Variants in TBC1D5 observed in about 807,000 individuals in gnomAD.
TBC1D5 encodes TBC1 domain family, member 5.
TBC1D5 carries 75 observed loss-of-function variants against 100.3 expected under a neutral mutation model. The ratio of observed to expected loss-of-function variants is 0.75; its 90% CI spans 0.62 to 0.91. The LOEUF is 0.91. Among genes scored for constraint, TBC1D5 ranks in the 40% least tolerant of loss-of-function variants. The probability of loss-of-function intolerance (pLI) is 0.00; values close to 1 mark genes in which losing one functional copy is unlikely to be tolerated. For missense variants in TBC1D5, 910 were observed against 942.4 expected, an observed-to-expected ratio of 0.97 and a Z score of 0.45; for synonymous variants, 323 against 325.6, an observed-to-expected ratio of 0.99 and a Z score of 0.09.
chr3:17,373,985 A>G (rs967302815), intron 12 of TBC1D5, among the ~76,000 whole-genome samples: 4 of 152,186 alleles, frequency 2.6e-5, no homozygotes, highest in African/African-American at 7.2e-5. Flanking sequence ...AAAGTTTAAT[A>G]GGTACAAGTT....
intron 7 of TBC1D5, 94 bp from the exon 8 acceptor site, chr3:17,403,342 C>A (rs889050653): frequency 1.2e-6 from 1 of 818,916 alleles, no homozygotes; most frequent in African/African-American, 1.8e-5. Context: ...AAAATTTATT[C>A]TTCTCTGAGA....
At chr3:17,356,434 A>T (rs116565282) in intron 13 of TBC1D5, among the ~76,000 whole-genome samples, 9 of 152,252 alleles carry the variant, frequency 5.9e-5, no homozygotes, top group African/African-American at 2.2e-4. Flanking sequence ...ATACTTTCTA[A>T]ATACCCAAGT....
intron 13 of TBC1D5, among the ~76,000 whole-genome samples, chr3:17,323,716 A>C (rs1347638173): frequency 6.6e-6 from 1 of 152,198 alleles, no homozygotes; most frequent in Non-Finnish European, 1.5e-5. Flanking sequence ...ATGTTTATTG[A>C]CTAGAATAAT....
chr3:17,236,673 AC>A (rs1215879728), intron 17 of TBC1D5, among the ~76,000 whole-genome samples: 1 of 152,056 alleles, frequency 6.6e-6, no homozygotes, highest in African/African-American at 2.4e-5. Context: ...TTTAGTAGAC[AC>A]GGGGTTTCAC....
chr3:17,585,482 A>G (rs1357803060), intron 2 of TBC1D5, among the ~76,000 whole-genome samples: 1 of 152,214 alleles, frequency 6.6e-6, no homozygotes, highest in Non-Finnish European at 1.5e-5. Context: ...TCTTACTACA[A>G]AAGAACCCAG....
chr3:17,312,962 C>A (rs748204540), intron 13 of TBC1D5, among the ~76,000 whole-genome samples: 46 of 152,156 alleles, frequency 3.0e-4, no homozygotes, highest in Admixed American at 2.6e-4. Flanking sequence ...ACACATACCT[C>A]TTTCAGATGT....
At chr3:17,640,273 A>G (rs2064368812) in intron 1 of TBC1D5, among the ~76,000 whole-genome samples, 1 of 152,208 alleles carries the variant, frequency 6.6e-6, no homozygotes, top group Non-Finnish European at 1.5e-5. Context: ...TTTAAAAAAA[A>G]TCAACTTAAG....
At position 17,664,260 on chromosome 3, in the gene TBC1D5, CG is replaced by C. The variant is rs551398827; in HGVS notation, c.-100-40348del. 4.6e-3 allele frequency among the ~76,000 whole-genome samples: 705 copies of C among 152,148 alleles called. 6 individuals carry two copies. Among genetic ancestry groups the C allele is most frequent in the Non-Finnish European group, 7.1e-3 (484 of 67,996 alleles). ...AATCTTTTTGTATTTTTAATAGAGACGGGGTTTCATCATATTGGCCAGGATG... is the reference window on the plus strand; with the variant it reads ...AATCTTTTTGTATTTTTAATAGAGACGGGTTTCATCATATTGGCCAGGATG... On this transcript the variant is annotated intron_variant, in intron 1 of 21. Transcript: ENST00000253692.
chr3:17,690,959 A>G lies in TBC1D5; in HGVS notation c.-101+48384T>C, dbSNP rs145793097. Among the ~76,000 whole-genome samples the G allele has an allele frequency of 6.6e-3, 1,000 of 152,352 alleles. 10 individuals are homozygous for G. The highest frequency in any genetic ancestry group is 7.7e-3 in the Non-Finnish European group (523 of 68,036). Reference sequence around the variant, plus strand: ...AATCTAACTTTAAAACAGAGGAAAAAAAATCTGTTTAAGGGTTTAGTTAGC... The same window carrying G: ...AATCTAACTTTAAAACAGAGGAAAAGAAATCTGTTTAAGGGTTTAGTTAGC... On this transcript the variant is annotated intron_variant, in intron 1 of 21. Coordinates refer to ENST00000253692, the Ensembl canonical transcript of TBC1D5.
chr3:17,621,006 A>C (rs564169150), intron 2 of TBC1D5, among the ~76,000 whole-genome samples: 1 of 152,196 alleles, frequency 6.6e-6, no homozygotes, highest in Non-Finnish European at 1.5e-5. Flanking sequence ...TATATGATTA[A>C]CCAATCTTGA....
intron 2 of TBC1D5, among the ~76,000 whole-genome samples, chr3:17,622,199 A>G (rs1215708251): frequency 6.6e-6 from 1 of 152,174 alleles, no homozygotes; most frequent in Non-Finnish European, 1.5e-5. Flanking sequence ...CCTCGCATAC[A>G]CAATTCGTAA....
At chr3:17,193,077 A>C (rs1205115965) in intron 18 of TBC1D5, among the ~76,000 whole-genome samples, 1 of 152,206 alleles carries the variant, frequency 6.6e-6, no homozygotes, top group Non-Finnish European at 1.5e-5. Context: ...CCTCTACATT[A>C]AACAATACTG....
intron 1 of TBC1D5, among the ~76,000 whole-genome samples, chr3:17,722,492 C>G (rs1035210982): frequency 6.6e-6 from 1 of 152,108 alleles, no homozygotes; most frequent in African/African-American, 2.4e-5. Context: ...TGATATTTTC[C>G]ACCTCTGGTG....
At chr3:17,700,212 A>C (rs1391986025) in intron 1 of TBC1D5, among the ~76,000 whole-genome samples, 8 of 152,190 alleles carry the variant, frequency 5.3e-5, no homozygotes, top group East Asian at 1.9e-4. Flanking sequence ...AAACCTGACA[A>C]AAACAAGAAA....
chr3:17,211,604 G>T (rs1019424118), intron 18 of TBC1D5, among the ~76,000 whole-genome samples: 5 of 152,190 alleles, frequency 3.3e-5, no homozygotes, highest in African/African-American at 1.2e-4. Flanking sequence ...AGCTTCTGGA[G>T]AATTTTACAA....
chr3:17,389,740 T>C (rs951772501), intron 8 of TBC1D5, among the ~76,000 whole-genome samples: 1 of 152,148 alleles, frequency 6.6e-6, no homozygotes, highest in African/African-American at 2.4e-5. Flanking sequence ...ATAAATTCTG[T>C]TGTTTTAAAC....
At chr3:17,410,689 G>A (rs1436344831) in intron 4 of TBC1D5, among the ~76,000 whole-genome samples, 2 of 152,082 alleles carry the variant, frequency 1.3e-5, no homozygotes, top group Non-Finnish European at 2.9e-5. Context: ...GACTTCAGTG[G>A]AAGAAGTAAC....
At chr3:17,514,898 G>A (rs1188942946) in intron 2 of TBC1D5, among the ~76,000 whole-genome samples, 1 of 151,560 alleles carries the variant, frequency 6.6e-6, no homozygotes, top group South Asian at 2.1e-4. Flanking sequence ...TTATGATGTA[G>A]CCATATAAAA....
chr3:17,462,322 A>ATT (rs527597868), intron 3 of TBC1D5, among the ~76,000 whole-genome samples: 1,679 of 132,632 alleles, frequency 0.013, 42 homozygotes, highest in African/African-American at 0.041. Flanking sequence ...TCGGACCTTA[A>ATT]TTTTTTTTTT....
Sources: gnomAD v4.1 joint callset for allele counts (sites outside exome capture counted in the v4.1 genomes callset) on GRCh38, gnomAD v4.1.1 for gene constraint, MANE v1.5 for transcripts, NCBI Gene and HGNC (gene_info 2026-07-23, HGNC 2026-07-21) for gene names.